Variants in GRAMD1B observed in about 807,000 individuals in gnomAD.
GRAMD1B encodes the protein protein Aster-B.
GRAMD1B carries 37 observed loss-of-function variants against 99.7 expected under a neutral mutation model. The observed-to-expected ratio is 0.37, with a 90% CI of 0.29 to 0.49. The LOEUF (loss-of-function observed/expected upper bound fraction) is 0.49, where lower values mean the gene tolerates loss of function less well. Among genes scored for constraint, GRAMD1B ranks in the 20% least tolerant of loss-of-function variants. The pLI, the probability that GRAMD1B is intolerant of heterozygous loss-of-function variation, is 0.98. For missense variants in GRAMD1B, 888 were observed against 1,009.2 expected, an observed-to-expected ratio of 0.88 and a Z score of 1.63; for synonymous variants, 427 against 387.6, an observed-to-expected ratio of 1.10 and a Z score of -1.19.
At chr11:123,534,553 T>A (rs942094333) in intron 2 of GRAMD1B, among the ~76,000 whole-genome samples, 5 of 151,668 alleles carry the variant, frequency 3.3e-5, no homozygotes, top group African/African-American at 1.2e-4. Flanking sequence ...GAGAATGGAG[T>A]CCACTGAGAT....
intron 2 of GRAMD1B, among the ~76,000 whole-genome samples, chr11:123,562,275 G>A (rs1946857406): frequency 6.6e-6 from 1 of 152,086 alleles, no homozygotes; most frequent in Admixed American, 6.5e-5. Context: ...AATTTCTTCT[G>A]CTGACAGGAG....
Position 123,469,769 on chromosome 11 carries a change from CTCTTTCTTTCCT to C in GRAMD1B, c.375-11044_375-11033del, listed in dbSNP as rs763009785. Among the ~76,000 whole-genome samples the C allele has an allele frequency of 4.0e-4, 36 of 90,324 alleles. 1 individual carries two copies. Among genetic ancestry groups the C allele is most frequent in the African/African-American group, 1.0e-3 (30 of 29,994 alleles). 59.3% of individuals were successfully genotyped at this position (90,324 alleles called of 152,430 possible). A position where few individuals can be genotyped will look rare whatever the true frequency, so the allele number is the denominator to read the frequency against. ...TCTTTCTTTCTTTCCTTCTTTCTTTCTCTTTCTTTCCTTCCTTCCTTCCTTCCTTCCTTCCTT... is the reference window on the plus strand; with the variant it reads ...TCTTTCTTTCTTTCCTTCTTTCTTTCTCCTTCCTTCCTTCCTTCCTTCCTT... On this transcript the variant is annotated intron_variant, in intron 1 of 19. Transcript: ENST00000635736.
chr11:123,361,158 C>T (rs1304439660), intron 1 of GRAMD1B, among the ~76,000 whole-genome samples: 1 of 152,146 alleles, frequency 6.6e-6, no homozygotes, highest in Admixed American at 6.5e-5. Context: ...TCCCTGCCAT[C>T]TCCTTCCAGC....
chr11:123,445,937 G>A (rs1010585234), intron 1 of GRAMD1B, among the ~76,000 whole-genome samples: 13 of 151,776 alleles, frequency 8.6e-5, no homozygotes, highest in Admixed American at 7.9e-4. Context: ...TATTGGGAAA[G>A]TTCTACCTAA....
chr11:123,457,117 A>AAAAGAAAG lies in GRAMD1B; in HGVS notation c.375-23684_375-23677dup, dbSNP rs111505156. Among the ~76,000 whole-genome samples, 96 of 99,496 alleles carry AAAAGAAAG rather than the reference A, an allele frequency of 9.6e-4. 9 individuals are homozygous for AAAAGAAAG. The highest frequency in any genetic ancestry group is 2.8e-3 in the African/African-American group (77 of 27,944). 65.3% of individuals were successfully genotyped at this position (99,496 alleles called of 152,430 possible). A position where few individuals can be genotyped will look rare whatever the true frequency, so the allele number is the denominator to read the frequency against. ...ACAGAGAGAGACCCTTTCTGAGAAA[A>AAAAGAAAG]AAAGAAAGAAAGAAAGAAAGAATTA... On this transcript the variant is annotated intron_variant, in intron 1 of 19. Coordinates refer to ENST00000635736, the MANE Select transcript of GRAMD1B (RefSeq NM_001387025.1).
At chr11:123,425,839 C>A (rs530449929), upstream of GRAMD1B, among the ~76,000 whole-genome samples, 1 of 152,194 alleles carries the variant, frequency 6.6e-6, no homozygotes, top group Non-Finnish European at 1.5e-5. Flanking sequence ...ATCCTCTGAC[C>A]CTTCTTAAAG....
At chr11:123,588,036 C>T (rs1355435429) in intron 4 of GRAMD1B, among the ~76,000 whole-genome samples, 2 of 151,700 alleles carry the variant, frequency 1.3e-5, no homozygotes, top group Non-Finnish European at 2.9e-5. Flanking sequence ...TCTCCATAGC[C>T]CCCATGCCTG....
intron 2 of GRAMD1B, among the ~76,000 whole-genome samples, chr11:123,519,131 T>A (rs186944014): frequency 6.6e-6 from 1 of 151,984 alleles, no homozygotes; most frequent in East Asian, 1.9e-4. Flanking sequence ...AGGGCAGGGG[T>A]GTGCATAAGG....
chr11:123,366,933 G>A (rs1372937196), intron 1 of GRAMD1B, among the ~76,000 whole-genome samples: 1 of 152,178 alleles, frequency 6.6e-6, no homozygotes, highest in African/African-American at 2.4e-5. Context: ...GCCAGGTGTG[G>A]TGGCTTATAC....
intron 2 of GRAMD1B, among the ~76,000 whole-genome samples, chr11:123,524,328 A>ATTTTATTTTATTTTATTTTG: frequency 6.9e-6 from 1 of 145,528 alleles, no homozygotes; most frequent in Non-Finnish European, 1.5e-5. Flanking sequence ...TTTTTATTTT[A>ATTTTATTTTATTTTATTTTG]TTTTATTTTA....
intron 1 of GRAMD1B, among the ~76,000 whole-genome samples, chr11:123,449,531 G>T (rs1949785241): frequency 6.6e-6 from 1 of 152,094 alleles, no homozygotes; most frequent in Non-Finnish European, 1.5e-5. Flanking sequence ...GTTGGTTTCT[G>T]TTCTGGTTTT....
Position 123,595,939 on chromosome 11 carries a change from C to T in GRAMD1B, c.874-3C>T, listed in dbSNP as rs1191706213. On this transcript the variant is annotated splice_region_variant and splice_polypyrimidine_tract_variant and intron_variant, in intron 6 of 19. Transcript: ENST00000635736. Reference sequence around the variant, plus strand: ...GCCCATTCTCTGTCCTCTTGGATGCCAGCTGACAGTCCGTTTGAAAGACAT... The same window carrying T: ...GCCCATTCTCTGTCCTCTTGGATGCTAGCTGACAGTCCGTTTGAAAGACAT... 1.1e-5 allele frequency: 17 copies of T among 1,587,870 alleles called. No homozygotes were observed. The highest frequency in any genetic ancestry group is 1.5e-5 in the Non-Finnish European group (17 of 1,161,656).
chr11:123,615,611 T>C (rs1004270430), intron 17 of GRAMD1B, among the ~76,000 whole-genome samples: 3 of 152,210 alleles, frequency 2.0e-5, no homozygotes, highest in African/African-American at 7.2e-5. Flanking sequence ...GATGCGCTAC[T>C]GATTCGAGGG....
At chr11:123,508,217 G>T (rs1940628582) in intron 2 of GRAMD1B, among the ~76,000 whole-genome samples, 1 of 152,188 alleles carries the variant, frequency 6.6e-6, no homozygotes, top group African/African-American at 2.4e-5. Context: ...CCAGCATCTG[G>T]AGAAGGCCTT....
chr11:123,550,367 C>G (rs1284659627), intron 2 of GRAMD1B, among the ~76,000 whole-genome samples: 2 of 152,094 alleles, frequency 1.3e-5, no homozygotes, highest in Admixed American at 6.5e-5. Flanking sequence ...CTCCTTCCCC[C>G]CAGACTCACA....
intron 1 of GRAMD1B, among the ~76,000 whole-genome samples, chr11:123,476,481 G>A (rs1343811485): frequency 6.6e-6 from 1 of 152,128 alleles, no homozygotes; most frequent in Non-Finnish European, 1.5e-5. Context: ...GAGGGTACTG[G>A]AGGAGGAAAG....
At chr11:123,558,007 A>G (rs565493272) in intron 2 of GRAMD1B, among the ~76,000 whole-genome samples, 16 of 124,390 alleles carry the variant, frequency 1.3e-4, no homozygotes, top group African/African-American at 4.7e-4. Flanking sequence ...TTTTTAATGC[A>G]GAGTCTTGCT....
At chr11:123,426,749 C>A (rs955201828), upstream of GRAMD1B, among the ~76,000 whole-genome samples, 1 of 152,088 alleles carries the variant, frequency 6.6e-6, no homozygotes. Context: ...ATAAGGTGTC[C>A]GGGGTGCCAG....
chr11:123,408,796 T>C (rs1046533659), intron 1 of GRAMD1B, among the ~76,000 whole-genome samples: 3 of 152,246 alleles, frequency 2.0e-5, no homozygotes, highest in Non-Finnish European at 4.4e-5. Context: ...CATGAATTCA[T>C]GCAGGATAAC....
Sources: gnomAD v4.1 joint callset for allele counts (sites outside exome capture counted in the v4.1 genomes callset) on GRCh38, gnomAD v4.1.1 for gene constraint, MANE v1.5 for transcripts, NCBI Gene and HGNC (gene_info 2026-07-23, HGNC 2026-07-21) for gene names.